Variants in TTN observed in about 807,000 individuals in gnomAD.
The protein encoded by TTN is connectin.
In TTN, 1,525 loss-of-function variants were observed where a neutral mutation model predicts 3,223.0. The observed-to-expected ratio is 0.47, with a 90% CI of 0.45 to 0.49. The LOEUF (loss-of-function observed/expected upper bound fraction) is 0.49. Ranked by LOEUF, TTN falls within the 20% of genes least tolerant of loss-of-function variation. The probability of loss-of-function intolerance (pLI) is 0.00; values close to 1 mark genes in which losing one functional copy is unlikely to be tolerated. For synonymous variants in TTN, 14,094 were observed against 15,161.0 expected, an observed-to-expected ratio of 0.93 and a Z score of 5.17; for missense variants, 40,786 against 43,424.0, an observed-to-expected ratio of 0.94 and a Z score of 5.40.
At chr2:178,605,340 T>A (rs1559721791) in intron 279 of TTN, 45 bp from the exon 280 acceptor site, 2 of 1,533,230 alleles carry the variant, frequency 1.3e-6, no homozygotes, top group Non-Finnish European at 1.7e-6. Flanking sequence ...GTCATAAGGA[T>A]GTTTTTTTCA....
In TTN at chr2:178,614,562, T is replaced by C. The variant is rs962564634; in HGVS notation, c.48952A>G (p.Ile16318Val). The C allele has an allele frequency of 3.1e-6, 5 of 1,612,406 alleles. No homozygotes were observed. In the South Asian group the frequency reaches 3.3e-5, roughly 11 times the overall value. Reference sequence around the variant, plus strand: ...GTGTCACTTCTCTTACTATCAACAATAGTCACTGTGGATTTCTTAGGGACA... The same window carrying C: ...GTGTCACTTCTCTTACTATCAACAACAGTCACTGTGGATTTCTTAGGGACA... The part of the protein sequence containing the change: ...ENVPKKSTVT[I>V]VDSKRSDTGT... Residue 16318 changes from isoleucine (I) to valine (V), a missense_variant, in exon 261 of 363, where the codon ATT becomes GTT. By Grantham distance (29) the Ile-to-Val change is conservative. Transcript: ENST00000589042.
Position 178,534,656 on chromosome 2 carries a change from G to T in TTN, c.101959C>A (p.His33987Asn). 1 of 1,613,644 alleles carries T rather than the reference G, an allele frequency of 6.2e-7. No individual in the cohort carries two copies. The highest frequency in any genetic ancestry group is 8.5e-7 in the Non-Finnish European group (1 of 1,179,638). The change falls in exon 358 of 363, where the codon CAC becomes AAC. Residue 33987 changes from histidine (H) to asparagine (N), a missense_variant. Physicochemically the swap from His to Asn is moderately conservative, Grantham distance 68. Coordinates refer to ENST00000589042, the MANE Select transcript of TTN (RefSeq NM_001267550.2). ...GCTGTGCTGACAACATCATGCTGGT[G>T]GACTTCAGGTGCATAGTATTCTGGG... ...TAPEYYAPEV[H>N]QHDVVSTATD...
rs758124616 is a variant in TTN at position 178,572,328 on chromosome 2, C to T, written c.73804G>A (p.Gly24602Arg). 1 of 1,611,702 alleles carries T rather than the reference C, an allele frequency of 6.2e-7. No individual in the cohort carries two copies. The highest frequency in any genetic ancestry group is 8.5e-7 in the Non-Finnish European group (1 of 1,178,140). The change falls in exon 326 of 363, where the codon GGG (glycine) becomes AGG (arginine). Residue 24602 changes from glycine to arginine, a missense_variant. By Grantham distance (125) the Gly-to-Arg change is moderately radical. Coordinates refer to ENST00000589042, the MANE Select transcript of TTN (RefSeq NM_001267550.2). ...RVLAENEYGI[G>R]LPAETAESVK... ...GATTCTGCGGTTTCAGCAGGCAGCC[C>T]AATGCCATATTCATTTTCTGCGAGA...
rs201432372 is a variant in TTN, at chr2:178,717,651, G to A, written c.25223C>T (p.Thr8408Ile). 219 of 1,613,348 alleles carry A rather than the reference G, an allele frequency of 1.4e-4. No individual in the cohort carries two copies. The African/African-American group carries it at 2.6e-3, about 19-fold the overall frequency. Residue 8408 changes from threonine (T) to isoleucine (I), a missense_variant, in exon 87 of 363, where the codon ACA becomes ATA. Coordinates refer to ENST00000589042, the MANE Select transcript of TTN (RefSeq NM_001267550.2). ...VLLKDDANLQ[T>I]SFVHNVATLQ... ...AGTTGCTACATTATGAACAAAAGAT[G>A]TCTGCAAATTAGCATCATCTTTCAA...
Position 178,573,139 on chromosome 2 carries a change from A to G in TTN, c.72993T>C (p.Arg24331=), listed in dbSNP as rs1312895296. 4.3e-6 allele frequency: 7 copies of G among 1,613,288 alleles called. No individual in the cohort carries two copies. The highest frequency in any genetic ancestry group is 5.9e-6 in the Non-Finnish European group (7 of 1,179,522). The change falls in exon 326 of 363, where the codon CGT becomes CGC. Residue 24331 remains arginine (R), a synonymous_variant. Coordinates refer to ENST00000589042, the MANE Select transcript of TTN (RefSeq NM_001267550.2). The part of the protein sequence containing the change: ...VFKPGPPGNP[R]VLDTSRSSIS... ...TGGATGATCTGCTTGTATCCAGAAC[A>G]CGTGGGTTACCTGGTGGTCCAGGTT...
At position 178,734,332 on chromosome 2, in the gene TTN, G is replaced by T. The variant is rs776497718; in HGVS notation, c.15492C>A (p.Leu5164=). The part of the protein sequence containing the change: ...GKCGCMATHL[L]KEPPTFVKKV... ...ATTAGTTTTTCAAGCACTAACCTTT[G>T]AGTAAGTGGGTTGCCATGCAGCCAC... The change falls in exon 52 of 363, where the codon CTC becomes CTA. Residue 5164 remains leucine (L), a synonymous_variant. Coordinates refer to ENST00000589042, the MANE Select transcript of TTN (RefSeq NM_001267550.2). 6.3e-7 allele frequency: 1 copy of T among 1,591,708 alleles called. No homozygotes were observed. Among genetic ancestry groups the T allele is most frequent in the Non-Finnish European group, 8.6e-7 (1 of 1,167,518 alleles).
Position 178,757,641 on chromosome 2 carries a change from C to T in TTN, c.10579G>A (p.Val3527Ile). The change falls in exon 45 of 363, where the codon GTT (valine) becomes ATT (isoleucine). Residue 3527 changes from valine (V) to isoleucine (I), a missense_variant. Transcript: ENST00000589042. ...CCAGCATGCTCTGAGTAAGCATCAA[C>T]TATAAGCATTAAAGCCATGCCTGTG... ...ESTGMALMLI[V>I]DAYSEHAGQY... The T allele has an allele frequency of 1.2e-6, 2 of 1,613,798 alleles. No homozygotes were observed. Among genetic ancestry groups the T allele is most frequent in the South Asian group, 1.1e-5 (1 of 91,066 alleles).
chr2:178,678,695 A>C, intron 143 of TTN, 52 bp downstream of exon 143: 1 of 1,523,028 alleles, frequency 6.6e-7, no homozygotes, highest in Non-Finnish European at 9.0e-7. Flanking sequence ...ATTAATTTTT[A>C]CCCATATGCA....
chr2:178,713,604 G>A (rs772908510), intron 92 of TTN: 167 of 725,088 alleles, frequency 2.3e-4, no homozygotes, highest in African/African-American at 3.7e-4. Flanking sequence ...TCTCTTTGCC[G>A]TGAAGAATTA....
Position 178,649,902 on chromosome 2 carries a change from A to G in TTN, c.39818-8T>C. 1 of 1,599,296 alleles carries G rather than the reference A, an allele frequency of 6.3e-7. No individual in the cohort carries two copies. Among genetic ancestry groups the G allele is most frequent in the Admixed American group, 1.8e-5 (1 of 55,396 alleles). Reference sequence around the variant, plus strand: ...TCTTGGGCTCTTCAGGCACTTGAATAATAGGAATTTCTTTTAGAATTAGGT... The same window carrying G: ...TCTTGGGCTCTTCAGGCACTTGAATGATAGGAATTTCTTTTAGAATTAGGT... On this transcript the variant is annotated splice_region_variant and splice_polypyrimidine_tract_variant and intron_variant, in intron 210 of 362. Coordinates refer to ENST00000589042, the MANE Select transcript of TTN (RefSeq NM_001267550.2).
rs201275291 is a variant in TTN at position 178,672,088 on chromosome 2, T to C, written c.35110A>G (p.Lys11704Glu). The C allele has an allele frequency of 1.1e-5, 18 of 1,612,178 alleles. No homozygotes were observed. The highest frequency in any genetic ancestry group is 1.5e-5 in the Non-Finnish European group (18 of 1,179,090). Residue 11704 changes from lysine to glutamate, a missense_variant, in exon 155 of 363, where the codon AAA (lysine) becomes GAA (glutamate). Lys to Glu is a moderately conservative substitution (Grantham distance 56). Transcript: ENST00000589042. ...GEFHEVEEFI[K>E]LEQHRVEEEH... Reference sequence around the variant, plus strand: ...TCTTCAACTCTATGTTGTTCTAATTTGATGAATTCTTCTACTTCATGAAAC... The same window carrying C: ...TCTTCAACTCTATGTTGTTCTAATTCGATGAATTCTTCTACTTCATGAAAC...
rs764027734 is a variant in TTN, at chr2:178,568,424, A to T, written c.77708T>A (p.Val25903Asp). Reference protein sequence around the residue: ...PPKGPVKFDDVSAESITLSWN... With the variant: ...PPKGPVKFDDDSAESITLSWN... ...AGATAATGTAATACTTTCAGCACTGACGTCATCAAATTTAACAGGTCCTTT... is the reference window on the plus strand; with the variant it reads ...AGATAATGTAATACTTTCAGCACTGTCGTCATCAAATTTAACAGGTCCTTT... The change falls in exon 326 of 363, where the codon GTC becomes GAC. Residue 25903 changes from valine to aspartate, a missense_variant. Val to Asp is a radical substitution (Grantham distance 152). Transcript: ENST00000589042. 8 of 1,613,180 alleles carry T rather than the reference A, an allele frequency of 5.0e-6. No homozygotes were observed. The highest frequency in any genetic ancestry group is 4.4e-5 in the South Asian group (4 of 91,060).
chr2:178,609,337 C>T lies in TTN; in HGVS notation c.51973G>A (p.Asp17325Asn), dbSNP rs375717318. 1.9e-6 allele frequency: 3 copies of T among 1,610,056 alleles called. No individual in the cohort carries two copies. Among genetic ancestry groups the T allele is most frequent in the Non-Finnish European group, 2.5e-6 (3 of 1,178,290 alleles). ...VLPLTQRLSI[D>N]NSKKGESQLR... ...TGAGATTCTCCCTTTTTGCTGTTGTCAATACTCAAACGCTGTGTCAGAGGC... is the reference window on the plus strand; with the variant it reads ...TGAGATTCTCCCTTTTTGCTGTTGTTAATACTCAAACGCTGTGTCAGAGGC... The change falls in exon 273 of 363, where the codon GAC (aspartate) becomes AAC (asparagine). Residue 17325 changes from aspartate to asparagine, a missense_variant. Coordinates refer to ENST00000589042, the MANE Select transcript of TTN (RefSeq NM_001267550.2).
Position 178,630,798 on chromosome 2 carries a change from C to T in TTN, c.44154+6G>A, listed in dbSNP as rs794729234. 3 of 1,609,924 alleles carry T rather than the reference C, an allele frequency of 1.9e-6. No individual in the cohort carries two copies. The South Asian group carries it at 3.3e-5, about 18-fold the overall frequency. ...TAGGTGTTGACAAGTTCAGAAATAGCCTTACAGGTGTTTGGAGTAGGGCCT... is the reference window on the plus strand; with the variant it reads ...TAGGTGTTGACAAGTTCAGAAATAGTCTTACAGGTGTTTGGAGTAGGGCCT... On this transcript the variant is annotated splice_donor_region_variant and intron_variant, in intron 238 of 362. Coordinates refer to ENST00000589042, the MANE Select transcript of TTN (RefSeq NM_001267550.2).
chr2:178,568,962 G>T lies in TTN; in HGVS notation c.77170C>A (p.His25724Asn). The T allele has an allele frequency of 6.2e-7, 1 of 1,613,358 alleles. No individual in the cohort carries two copies. The highest frequency in any genetic ancestry group is 1.3e-5 in the African/African-American group (1 of 74,992). The change falls in exon 326 of 363, where the codon CAT (histidine) becomes AAT (asparagine). Residue 25724 changes from histidine (H) to asparagine (N), a missense_variant. Physicochemically the swap from His to Asn is moderately conservative, Grantham distance 68. Coordinates refer to ENST00000589042, the MANE Select transcript of TTN (RefSeq NM_001267550.2). The stretch of plus-strand genomic sequence containing the variant: ...TGAATGATTTTACTGCCACCATCAT[G>T]TTCAGGTTTTGTCCAACTCAGAGAG... ...SVSLSWTKPE[H>N]DGGSKIIQYI...
rs2087758637 is a variant in TTN, at chr2:178,757,766, TG to T, written c.10453del (p.His3485MetfsTer20). 6.2e-7 allele frequency: 1 copy of T among 1,613,726 alleles called. No homozygotes were observed. The highest frequency in any genetic ancestry group is 1.3e-5 in the African/African-American group (1 of 74,924). Reference protein sequence around the residue: ...RVHNGETVRFHARVSGIPKPE... With the variant: ...RVHNGETVRFXARVSGIPKPE... ...CTTGGGAATGCCAGAAACCCTCGCA[TG>T]AAATCTGACTGTCTCCCCGTTGTGC... On this transcript the variant is annotated frameshift_variant, in exon 45 of 363. Transcript: ENST00000589042. LOFTEE classifies it high-confidence loss of function.
At position 178,777,989 on chromosome 2, in the gene TTN, A is replaced by G; in HGVS notation, c.4209-14T>C. ...GGAGAGAGAGATCTGCAAAACAAAGACACACAATACTTTCGTGAGGCATAA... is the reference window on the plus strand; with the variant it reads ...GGAGAGAGAGATCTGCAAAACAAAGGCACACAATACTTTCGTGAGGCATAA... On this transcript the variant is annotated splice_polypyrimidine_tract_variant and intron_variant, in intron 24 of 362. Coordinates refer to ENST00000589042, the MANE Select transcript of TTN (RefSeq NM_001267550.2). 6.2e-7 allele frequency: 1 copy of G among 1,612,568 alleles called. No individual in the cohort carries two copies. The highest frequency in any genetic ancestry group is 1.1e-5 in the South Asian group (1 of 90,918).
Position 178,635,145 on chromosome 2 carries a change from T to TA in TTN, c.42024+19dup. On this transcript the variant is annotated intron_variant, in intron 228 of 362. Transcript: ENST00000589042. ...TGGTTATTTTATATGACTAACAATT[T>TA]AAAATGTGAAATTACTCACAGGTGA... is the stretch of plus-strand genomic sequence containing the variant. 6.2e-7 allele frequency: 1 copy of TA among 1,608,606 alleles called. No individual in the cohort carries two copies. The highest frequency in any genetic ancestry group is 1.1e-5 in the South Asian group (1 of 89,772).
rs777935475 is a variant in TTN at position 178,679,322 on chromosome 2, G to T, written c.33742+17C>A. 4 of 1,611,320 alleles carry T rather than the reference G, an allele frequency of 2.5e-6. No homozygotes were observed. The South Asian group carries it at 4.4e-5, about 18-fold the overall frequency. Reference sequence around the variant, plus strand: ...TGAATTATCATGCTATTCCACTGATGGATTATAAGGATGTACCTTTTGCTG... The same window carrying T: ...TGAATTATCATGCTATTCCACTGATTGATTATAAGGATGTACCTTTTGCTG... On this transcript the variant is annotated intron_variant, in intron 142 of 362. Coordinates refer to ENST00000589042, the MANE Select transcript of TTN (RefSeq NM_001267550.2).
Sources: allele counts gnomAD v4.1 joint callset, GRCh38; gene constraint gnomAD v4.1.1; transcripts MANE v1.5; gene names NCBI Gene and HGNC (gene_info 2026-07-23, HGNC 2026-07-21).